Variants in PIK3CB observed in about 807,000 individuals in gnomAD.
PIK3CB encodes the protein phosphatidylinositol-4,5-bisphosphate 3-kinase catalytic subunit beta, also known as phosphatidylinositol 4,5-bisphosphate 3-kinase catalytic subunit beta isoform.
In PIK3CB, 39 loss-of-function variants were observed where a neutral mutation model predicts 136.8. The observed-to-expected ratio is 0.29, with a 90% CI of 0.22 to 0.37. The LOEUF is 0.37. Ranked by LOEUF, PIK3CB falls within the 10% of genes least tolerant of loss-of-function variation. The pLI is 1.00. For missense variants in PIK3CB, 868 were observed against 1,275.4 expected (o/e 0.68, Z 4.87); for synonymous variants, 428 against 436.6 (o/e 0.98, Z 0.25).
Position 138,704,563 on chromosome 3 carries a change from C to A in PIK3CB, c.1531-70G>T, listed in dbSNP as rs2044324235. On this transcript the variant is annotated intron_variant, in intron 11 of 23. Transcript: ENST00000674063. Reference sequence around the variant, plus strand: ...GTAGAATTTTAAGTGTAAATGACTACATTTGTACTTAGACTACATAAGATC... The same window carrying A: ...GTAGAATTTTAAGTGTAAATGACTAAATTTGTACTTAGACTACATAAGATC... The A allele has an allele frequency of 3.1e-6, 3 of 960,088 alleles. No individual in the cohort carries two copies. In the East Asian group the frequency reaches 7.2e-5, roughly 23 times the overall value. The allele number at this position is 960,088 out of a possible 1,614,324, so 59.5% of individuals were successfully genotyped here. A position where few individuals can be genotyped will look rare whatever the true frequency, so the allele number is the denominator to read the frequency against.
chr3:138,721,494 T>C (rs988282962), intron 8 of PIK3CB, among the ~76,000 whole-genome samples: 3 of 152,190 alleles, frequency 2.0e-5, no homozygotes, highest in Non-Finnish European at 2.9e-5. Flanking sequence ...CTAGGCTCAG[T>C]TGATGATCCA....
chr3:138,681,490 C>T (rs12493155), intron 19 of PIK3CB, among the ~76,000 whole-genome samples: 54,521 of 151,840 alleles, frequency 0.36, 12,234 homozygotes, highest in Admixed American at 0.54. Flanking sequence ...TTCCTTTTTT[C>T]TGTCACGACA....
At chr3:138,766,050 C>T (rs917666459) in intron 2 of PIK3CB, among the ~76,000 whole-genome samples, 2 of 152,138 alleles carry the variant, frequency 1.3e-5, no homozygotes, top group Non-Finnish European at 2.9e-5. Flanking sequence ...CCTAATGCTG[C>T]CATGTCTCAA....
At chr3:138,831,440 G>T (rs1372007995) in intron 1 of PIK3CB, among the ~76,000 whole-genome samples, 1 of 150,156 alleles carries the variant, frequency 6.7e-6, no homozygotes, top group Non-Finnish European at 1.5e-5. Context: ...CAAAAAATTA[G>T]CTGGGCGTGG....
chr3:138,831,916 T>C (rs1002255347), intron 1 of PIK3CB, among the ~76,000 whole-genome samples: 1 of 152,052 alleles, frequency 6.6e-6, no homozygotes, highest in African/African-American at 2.4e-5. Context: ...AGACTCCATC[T>C]CAAAACAAAC....
intron 1 of PIK3CB, among the ~76,000 whole-genome samples, chr3:138,809,708 G>A (rs1234010937): frequency 6.6e-6 from 1 of 151,974 alleles, no homozygotes; most frequent in East Asian, 1.9e-4. Flanking sequence ...ATGGACTGGA[G>A]TTAGAAACAT....
chr3:138,818,742 G>T (rs1002713630), intron 1 of PIK3CB, among the ~76,000 whole-genome samples: 53 of 152,206 alleles, frequency 3.5e-4, no homozygotes, highest in Non-Finnish European at 6.6e-4. Context: ...TGGACTCAAT[G>T]CTTCCTTTTT....
At chr3:138,691,563 G>C (rs2044008745) in intron 14 of PIK3CB, among the ~76,000 whole-genome samples, 1 of 152,072 alleles carries the variant, frequency 6.6e-6, no homozygotes, top group East Asian at 1.9e-4. Context: ...GGCTTCATAA[G>C]AGGTGGTTTC....
intron 1 of PIK3CB, among the ~76,000 whole-genome samples, chr3:138,804,852 G>A (rs1030084725): frequency 2.0e-5 from 3 of 151,742 alleles, no homozygotes; most frequent in African/African-American, 4.8e-5. Context: ...GTGAAACCCC[G>A]TCTCTACTAA....
At chr3:138,803,531 A>G (rs1304376004) in intron 1 of PIK3CB, among the ~76,000 whole-genome samples, 1 of 152,220 alleles carries the variant, frequency 6.6e-6, no homozygotes, top group Admixed American at 6.5e-5. Context: ...CTTGATGCTT[A>G]ACAAATATAT....
At chr3:138,715,303 C>T (rs373924968) in intron 8 of PIK3CB, among the ~76,000 whole-genome samples, 6 of 152,224 alleles carry the variant, frequency 3.9e-5, no homozygotes, top group South Asian at 4.1e-4. Context: ...GCAGGGCATG[C>T]GTAAGATGTC....
intron 3 of PIK3CB, among the ~76,000 whole-genome samples, chr3:138,756,580 C>T (rs947302270): frequency 1.3e-5 from 2 of 152,106 alleles, no homozygotes; most frequent in Non-Finnish European, 2.9e-5. Context: ...TTCCATGTCT[C>T]CTGGATGAGA....
chr3:138,822,886 G>A (rs2108906058), intron 1 of PIK3CB, among the ~76,000 whole-genome samples: 1 of 143,626 alleles, frequency 7.0e-6, no homozygotes, highest in African/African-American at 2.6e-5. Context: ...ATATATATAT[G>A]AAATATTTAT....
chr3:138,673,539 C>T (rs1176747307), intron 19 of PIK3CB, among the ~76,000 whole-genome samples: 1 of 152,154 alleles, frequency 6.6e-6, no homozygotes, highest in African/African-American at 2.4e-5. Flanking sequence ...TTTCAAACTT[C>T]TATAGCCAAA....
intron 4 of PIK3CB, among the ~76,000 whole-genome samples, chr3:138,743,300 T>C (rs935400848): frequency 2.6e-5 from 4 of 152,168 alleles, no homozygotes; most frequent in Non-Finnish European, 4.4e-5. Context: ...TGTATCTTCC[T>C]CTCAATTTTG....
chr3:138,670,338 A>C (rs2043508411), intron 19 of PIK3CB, among the ~76,000 whole-genome samples: 1 of 152,208 alleles, frequency 6.6e-6, no homozygotes, highest in Non-Finnish European at 1.5e-5. Context: ...AGCAAAGGAG[A>C]CCACTGTGTA....
At chr3:138,798,470 T>C (rs1033170203) in intron 1 of PIK3CB, among the ~76,000 whole-genome samples, 21 of 152,198 alleles carry the variant, frequency 1.4e-4, no homozygotes, top group Non-Finnish European at 2.6e-4. Flanking sequence ...GCCAGGAATC[T>C]GTATTTTTAT....
At chr3:138,693,524 G>C (rs1249601902) in intron 14 of PIK3CB, among the ~76,000 whole-genome samples, 2 of 151,820 alleles carry the variant, frequency 1.3e-5, no homozygotes, top group East Asian at 3.9e-4. Context: ...TCAGCCTCCT[G>C]AGTAGCTGAG....
chr3:138,659,866 C>CTTTTTTTT (rs56255742), intron 21 of PIK3CB, among the ~76,000 whole-genome samples: 5 of 75,422 alleles, frequency 6.6e-5, no homozygotes, highest in African/African-American at 2.8e-4. Flanking sequence ...CTTTCCTCTT[C>CTTTTTTTT]TTTTTTTTTT....
Sources: gnomAD v4.1 joint callset for allele counts (sites outside exome capture counted in the v4.1 genomes callset) on GRCh38, gnomAD v4.1.1 for gene constraint, MANE v1.5 for transcripts, NCBI Gene and HGNC (gene_info 2026-07-23, HGNC 2026-07-21) for gene names.